The following CFAP61 variants were observed in gnomAD, a reference collection of about 807,000 sequenced individuals.
CFAP61 encodes the protein cilia and flagella associated protein 61, also known as cilia- and flagella-associated protein 61.
CFAP61 carries 107 observed loss-of-function variants against 135.6 expected under a neutral mutation model. That is an observed-to-expected ratio of 0.79 (90% CI 0.67 to 0.93). The LOEUF is 0.93. CFAP61 is among the 40% of genes least tolerant of loss of function. The pLI, the probability that CFAP61 is intolerant of heterozygous loss-of-function variation, is 0.00. For synonymous variants in CFAP61, 575 were observed against 578.5 expected (o/e 0.99, Z 0.09); for missense variants, 1,507 against 1,556.2 (o/e 0.97, Z 0.53).
chr20:20,309,047 G>A (rs530258848), intron 25 of CFAP61, among the ~76,000 whole-genome samples: 1 of 152,288 alleles, frequency 6.6e-6, no homozygotes, highest in Non-Finnish European at 1.5e-5. Flanking sequence ...ACTGAGCCAC[G>A]AGAAGGAACT....
rs2054782569 is a variant in CFAP61 at position 20,288,776 on chromosome 20, C to T, written c.2964C>T (p.Tyr988=). Residue 988 remains tyrosine (Y), a synonymous_variant, in exon 23 of 27, where the codon TAC becomes TAT. Coordinates refer to ENST00000245957, the MANE Select transcript of CFAP61 (RefSeq NM_015585.4). The stretch of plus-strand genomic sequence containing the variant: ...TCACCAAATTCTCCAATAGATACTA[C>T]TCAAATGAGTGGACTCACAGCAACT... ...GSLTKFSNRY[Y]SNEWTHSNFS... is the part of the protein sequence containing the mutation. The T allele has an allele frequency of 6.2e-7, 1 of 1,614,088 alleles. No homozygotes were observed. Among genetic ancestry groups the T allele is most frequent in the Admixed American group, 1.7e-5 (1 of 60,006 alleles).
chr20:20,341,037 T>C (rs2058426652), intron 25 of CFAP61, among the ~76,000 whole-genome samples: 1 of 152,072 alleles, frequency 6.6e-6, no homozygotes, highest in South Asian at 2.1e-4. Flanking sequence ...GCACCAGGTT[T>C]TTCCTTCCCC....
chr20:20,312,691 AAAGCAACAAAAGACACGGGCACATTC>A (rs1275403104), intron 25 of CFAP61, among the ~76,000 whole-genome samples: 6 of 152,232 alleles, frequency 3.9e-5, no homozygotes, highest in African/African-American at 1.4e-4. Context: ...GAAAGTCTTA[AAAGCAACAAAAGACACGGGCACATTC>A]TTTACAGACG....
chr20:20,196,120 C>A (rs2056266385), intron 15 of CFAP61, among the ~76,000 whole-genome samples: 1 of 152,150 alleles, frequency 6.6e-6, no homozygotes, highest in Non-Finnish European at 1.5e-5. Flanking sequence ...TTGGGGGTGA[C>A]ACATTTCCAC....
intron 8 of CFAP61, among the ~76,000 whole-genome samples, chr20:20,101,731 G>A (rs529520705): frequency 6.9e-4 from 105 of 151,994 alleles, no homozygotes; most frequent in African/African-American, 2.4e-3. Context: ...GTTCAGGTGA[G>A]TCTCCTGCCT....
chr20:20,244,301 T>C (rs544544503), intron 18 of CFAP61, among the ~76,000 whole-genome samples: 2 of 152,342 alleles, frequency 1.3e-5, no homozygotes, highest in Non-Finnish European at 1.5e-5. Flanking sequence ...GCAGAAGTTT[T>C]CCATGAGAGC....
chr20:20,340,332 A>G (rs1032538418), intron 25 of CFAP61, among the ~76,000 whole-genome samples: 1 of 152,152 alleles, frequency 6.6e-6, no homozygotes, highest in African/African-American at 2.4e-5. Flanking sequence ...GTTCCTCCAA[A>G]GTTAATTTGC....
At position 20,246,145 on chromosome 20, in the gene CFAP61, C is replaced by G. The variant is rs1262991525; in HGVS notation, c.2089C>G (p.Leu697Val). 2 of 1,612,714 alleles carry G rather than the reference C, an allele frequency of 1.2e-6. No individual in the cohort carries two copies. The highest frequency in any genetic ancestry group is 1.7e-6 in the Non-Finnish European group (2 of 1,178,852). Residue 697 changes from leucine to valine, a missense_variant, in exon 19 of 27, where the codon CTG becomes GTG. Coordinates refer to ENST00000245957, the MANE Select transcript of CFAP61 (RefSeq NM_015585.4). Reference protein sequence around the residue: ...CSHMKFNNLTLISTHGLPGKK... With the variant: ...CSHMKFNNLTVISTHGLPGKK... ...TCACATGAAGTTTAATAATCTTACC[C>G]TGATTTCAACTCATGGACTCCCAGG...
At chr20:20,100,733 G>T (rs2047961775) in intron 8 of CFAP61, among the ~76,000 whole-genome samples, 1 of 152,104 alleles carries the variant, frequency 6.6e-6, no homozygotes, top group Admixed American at 6.5e-5. Flanking sequence ...TACATAGAAT[G>T]AATGGAAAAT....
intron 3 of CFAP61, among the ~76,000 whole-genome samples, chr20:20,072,877 G>A (rs6046592): frequency 6.6e-6 from 1 of 151,864 alleles, no homozygotes; most frequent in African/African-American, 2.4e-5. Context: ...GAATATATTA[G>A]GTTAAATATT....
At chr20:20,204,989 T>G (rs1434696819) in intron 17 of CFAP61, among the ~76,000 whole-genome samples, 1 of 152,178 alleles carries the variant, frequency 6.6e-6, no homozygotes, top group Non-Finnish European at 1.5e-5. Flanking sequence ...ATAAGTTCCT[T>G]TATGGGCTTT....
At chr20:20,096,126 G>A (rs900908121) in intron 7 of CFAP61, among the ~76,000 whole-genome samples, 1 of 152,104 alleles carries the variant, frequency 6.6e-6, no homozygotes, top group Non-Finnish European at 1.5e-5. Flanking sequence ...ATGCCTTTCT[G>A]TTGTACAAGT....
chr20:20,289,793 C>T (rs1384031840), intron 23 of CFAP61, among the ~76,000 whole-genome samples: 1 of 152,234 alleles, frequency 6.6e-6, no homozygotes, highest in African/African-American at 2.4e-5. Context: ...TGTCAGAAGC[C>T]AGAGCTGGCA....
At chr20:20,134,339 G>A (rs1340367521) in intron 8 of CFAP61, among the ~76,000 whole-genome samples, 1 of 152,176 alleles carries the variant, frequency 6.6e-6, no homozygotes, top group African/African-American at 2.4e-5. Flanking sequence ...ATGGCTTATT[G>A]GGGGAAAGTA....
intron 8 of CFAP61, among the ~76,000 whole-genome samples, chr20:20,122,107 G>T (rs1271617963): frequency 1.3e-5 from 2 of 150,136 alleles, no homozygotes; most frequent in African/African-American, 4.9e-5. Flanking sequence ...CCCCCTCCCA[G>T]CTTTCCCCCC....
chr20:20,082,009 C>T (rs760897691), intron 6 of CFAP61, among the ~76,000 whole-genome samples: 13 of 152,256 alleles, frequency 8.5e-5, no homozygotes, highest in East Asian at 7.7e-4. Flanking sequence ...TGTTCAGATT[C>T]GAGTTTTGAT....
chr20:20,222,209 G>A (rs989778444), intron 17 of CFAP61, among the ~76,000 whole-genome samples: 4 of 152,182 alleles, frequency 2.6e-5, no homozygotes, highest in Admixed American at 6.5e-5. Context: ...GAATGTCATA[G>A]GGTGGCAATA....
intron 18 of CFAP61, among the ~76,000 whole-genome samples, chr20:20,245,881 T>C (rs767148872): frequency 2.6e-4 from 40 of 152,226 alleles, no homozygotes; most frequent in Non-Finnish European, 5.1e-4. Context: ...TTTAAAAACC[T>C]GTCTCATTAC....
intron 2 of CFAP61, among the ~76,000 whole-genome samples, chr20:20,067,757 ATTATTATATATGTAT>A (rs199669934): frequency 0.064 from 9,048 of 140,510 alleles, 343 homozygotes; most frequent in East Asian, 0.12. Context: ...ATATATTTAT[ATTATTATATATGTAT>A]TTATTATATA....
Sources: gnomAD v4.1 joint callset for allele counts (sites outside exome capture counted in the v4.1 genomes callset) on GRCh38, gnomAD v4.1.1 for gene constraint, MANE v1.5 for transcripts, NCBI Gene and HGNC (gene_info 2026-07-23, HGNC 2026-07-21) for gene names.